TTC27: variants seen among roughly 807,000 people sequenced by gnomAD.
TTC27 encodes tetratricopeptide repeat domain 27.
In TTC27, 79 loss-of-function variants were observed where a neutral mutation model predicts 115.9. The ratio of observed to expected loss-of-function variants is 0.68; its 90% CI spans 0.57 to 0.82. TTC27 has a LOEUF of 0.82. Among genes scored for constraint, TTC27 ranks in the 40% least tolerant of loss-of-function variants. The pLI is 0.00. For synonymous variants in TTC27, 401 were observed against 356.0 expected, an observed-to-expected ratio of 1.13 and a Z score of -1.42; for missense variants, 1,054 against 993.1, an observed-to-expected ratio of 1.06 and a Z score of -0.82.
intron 12 of TTC27, among the ~76,000 whole-genome samples, chr2:32,748,985 G>A (rs1017264468): frequency 2.0e-5 from 3 of 152,088 alleles, no homozygotes; most frequent in African/African-American, 7.2e-5. Flanking sequence ...ACCATGCCTG[G>A]CCTGAGTTAT....
chr2:32,663,758 C>T (rs1180933546), intron 5 of TTC27, among the ~76,000 whole-genome samples: 2 of 152,092 alleles, frequency 1.3e-5, no homozygotes, highest in African/African-American at 4.8e-5. Context: ...GATCTCAGCT[C>T]ACTACAATCT....
chr2:32,695,101 C>T (rs1572522423), intron 9 of TTC27, among the ~76,000 whole-genome samples: 4 of 152,240 alleles, frequency 2.6e-5, no homozygotes, highest in South Asian at 4.1e-4. Context: ...GCATTAAGTA[C>T]ATTCACAGTG....
chr2:32,646,517 C>A (rs1014776858), intron 4 of TTC27, among the ~76,000 whole-genome samples: 59 of 150,516 alleles, frequency 3.9e-4, no homozygotes, highest in South Asian at 2.1e-4. Context: ...AGGTCTGTTA[C>A]ACTGACTAGT....
At chr2:32,781,515 G>A (rs978653744) in intron 14 of TTC27, among the ~76,000 whole-genome samples, 1 of 152,062 alleles carries the variant, frequency 6.6e-6, no homozygotes. Flanking sequence ...GGAAGATTGA[G>A]TTTTATTCTG....
rs1053935526 is a variant in TTC27 at position 32,727,100 on chromosome 2, A to G, written c.1234-6728A>G. On this transcript the variant is annotated intron_variant, in intron 10 of 19. Transcript: ENST00000317907. ...ATTTGGGTGGGGATGCAGCCAAACC[A>G]TATCAGTTACCAATGATAAAATTTT... Among the ~76,000 whole-genome samples, 5 of 152,344 alleles carry G rather than the reference A, an allele frequency of 3.3e-5. No individual in the cohort carries two copies. The East Asian group carries it at 5.8e-4, about 18-fold the overall frequency.
intron 12 of TTC27, among the ~76,000 whole-genome samples, chr2:32,745,255 T>C (rs938766390): frequency 1.3e-5 from 2 of 152,152 alleles, no homozygotes; most frequent in African/African-American, 4.8e-5. Flanking sequence ...CTAGTAGACT[T>C]CGCATGAGAG....
chr2:32,730,451 A>G (rs532237696), intron 10 of TTC27, among the ~76,000 whole-genome samples: 1 of 152,216 alleles, frequency 6.6e-6, no homozygotes, highest in African/African-American at 2.4e-5. Context: ...AATATGATGG[A>G]ATTATTTCAG....
intron 3 of TTC27, among the ~76,000 whole-genome samples, chr2:32,639,768 C>T (rs772110692): frequency 7.9e-5 from 12 of 152,070 alleles, no homozygotes; most frequent in Non-Finnish European, 1.6e-4. Flanking sequence ...CTTTGGGAGA[C>T]CAAGGCAGGG....
At chr2:32,766,342 C>T (rs116241473) in intron 13 of TTC27, 634 of 209,530 alleles carry the variant, frequency 3.0e-3, no homozygotes, top group Non-Finnish European at 4.8e-3. Flanking sequence ...CTTCTGTGAT[C>T]CACAGTCCCT....
At chr2:32,795,338 G>GAA (rs367887253) in intron 16 of TTC27, among the ~76,000 whole-genome samples, 1 of 150,192 alleles carries the variant, frequency 6.7e-6, no homozygotes, top group Non-Finnish European at 1.5e-5. Flanking sequence ...AGAATGAGGG[G>GAA]AAAAAAAAAT....
chr2:32,744,282 C>A (rs1011338090), intron 12 of TTC27, among the ~76,000 whole-genome samples: 2 of 152,114 alleles, frequency 1.3e-5, no homozygotes, highest in Non-Finnish European at 2.9e-5. Context: ...TGTGATTTTC[C>A]ACACTTTTAA....
chr2:32,667,486 G>A (rs865780781), intron 7 of TTC27, among the ~76,000 whole-genome samples: 9 of 146,712 alleles, frequency 6.1e-5, no homozygotes, highest in African/African-American at 7.6e-5. Flanking sequence ...GCGTAATCTC[G>A]GCTCAATGCA....
chr2:32,698,969 C>A (rs1177705287), intron 9 of TTC27, among the ~76,000 whole-genome samples: 2 of 152,060 alleles, frequency 1.3e-5, no homozygotes, highest in Non-Finnish European at 2.9e-5. Flanking sequence ...CTAGAGAATG[C>A]CCCAAAAAAG....
chr2:32,654,954 C>T (rs188164830), intron 5 of TTC27, among the ~76,000 whole-genome samples: 3 of 151,226 alleles, frequency 2.0e-5, no homozygotes, highest in Middle Eastern at 3.5e-3. Flanking sequence ...CCTCAGCCCC[C>T]CAAAGTGCTT....
chr2:32,816,117 G>A lies in TTC27; in HGVS notation c.2309-1340G>A, dbSNP rs143041736. On this transcript the variant is annotated intron_variant, in intron 18 of 19. Coordinates refer to ENST00000317907, the MANE Select transcript of TTC27 (RefSeq NM_017735.5). Reference sequence around the variant, plus strand: ...GAGCCCAGGAGTTCAATATCAGCCTGAGCAACATAGTGAGACCCCATCTCT... The same window carrying A: ...GAGCCCAGGAGTTCAATATCAGCCTAAGCAACATAGTGAGACCCCATCTCT... Among the ~76,000 whole-genome samples, 236 of 152,124 alleles carry A rather than the reference G, an allele frequency of 1.6e-3. 1 individual carries two copies. Among genetic ancestry groups the A allele is most frequent in the Non-Finnish European group, 2.4e-3 (163 of 67,980 alleles).
intron 4 of TTC27, among the ~76,000 whole-genome samples, chr2:32,644,149 C>G (rs1208616677): frequency 6.8e-6 from 1 of 146,798 alleles, no homozygotes; most frequent in Non-Finnish European, 1.5e-5. Flanking sequence ...CCACTGCACA[C>G]CAGCCTGAGC....
At chr2:32,785,667 C>T (rs867788161) in intron 15 of TTC27, among the ~76,000 whole-genome samples, 2 of 152,176 alleles carry the variant, frequency 1.3e-5, no homozygotes, top group African/African-American at 4.8e-5. Context: ...GCGATCTCAG[C>T]GCACTGCAAC....
chr2:32,746,488 GGGAGGC>G (rs1668830853), intron 12 of TTC27, among the ~76,000 whole-genome samples: 1 of 139,860 alleles, frequency 7.2e-6, no homozygotes, highest in African/African-American at 2.7e-5. Flanking sequence ...GCTTGAACCT[GGGAGGC>G]AGAGGTTGCA....
chr2:32,808,715 C>T (rs1458562223), intron 16 of TTC27, among the ~76,000 whole-genome samples: 5 of 152,196 alleles, frequency 3.3e-5, no homozygotes, highest in Non-Finnish European at 4.4e-5. Context: ...AGCTGTCTCT[C>T]CCCACATCGT....
Sources: allele counts gnomAD v4.1 joint callset (sites outside exome capture counted in the v4.1 genomes callset), GRCh38; gene constraint gnomAD v4.1.1; transcripts MANE v1.5; gene names NCBI Gene and HGNC (gene_info 2026-07-23, HGNC 2026-07-21).